The following CACNA1C variants were observed in gnomAD, a reference collection of about 807,000 sequenced individuals.
The protein encoded by CACNA1C is calcium voltage-gated channel subunit alpha1 C, also known as voltage-dependent L-type calcium channel subunit alpha-1C.
In CACNA1C, 30 loss-of-function variants were observed where a neutral mutation model predicts 229.0. That is an observed-to-expected ratio of 0.13 (90% CI 0.10 to 0.18). The LOEUF (loss-of-function observed/expected upper bound fraction) is 0.18, where lower values mean the gene tolerates loss of function less well. CACNA1C is among the 10% of genes least tolerant of loss of function. The pLI is 1.00. For missense variants in CACNA1C, 1,658 were observed against 2,845.0 expected (o/e 0.58, Z 9.49); for synonymous variants, 1,114 against 1,132.5 (o/e 0.98, Z 0.33).
At chr12:2,507,932 G>C (rs1378894986) in intron 8 of CACNA1C, among the ~76,000 whole-genome samples, 9 of 152,232 alleles carry the variant, frequency 5.9e-5, no homozygotes, top group Non-Finnish European at 7.3e-5. Flanking sequence ...AAGAGCAGAA[G>C]CTGCAGTAGG....
At position 2,666,433 on chromosome 12, in the gene CACNA1C, A is replaced by G. The variant is rs1291869035; in HGVS notation, c.4527-253A>G. Among the ~76,000 whole-genome samples the G allele has an allele frequency of 1.3e-5, 2 of 152,230 alleles. No homozygotes were observed. The highest frequency in any genetic ancestry group is 4.8e-5 in the African/African-American group (2 of 41,458). ...ATATTGAGAATTTTGTTGCACTGCT[A>G]AAATCCCTTCCACCTTGAACATAGC... On this transcript the variant is annotated intron_variant, in intron 36 of 46. Coordinates refer to ENST00000399655, the MANE Select transcript of CACNA1C (RefSeq NM_000719.7). This position sits in a 1 kb window ranked among gnomAD's most constrained non-coding sequence, Gnocchi z 5.3.
intron 39 of CACNA1C, chr12:2,676,469 C>T (rs1329038179): frequency 6.6e-6 from 1 of 152,308 alleles, no homozygotes; most frequent in Non-Finnish European, 1.5e-5. Flanking sequence ...GCTTCTCCAC[C>T]ATCAGGTTTA....
intron 5 of CACNA1C, among the ~76,000 whole-genome samples, chr12:2,482,403 T>C (rs1332970189): frequency 6.6e-6 from 1 of 152,244 alleles, no homozygotes; most frequent in Non-Finnish European, 1.5e-5. Flanking sequence ...CACCTGGCAC[T>C]GAGCCCTGTG....
rs535935521 is a variant in CACNA1C at position 2,417,448 on chromosome 12, C to G, written c.478-31528C>G. Among the ~76,000 whole-genome samples, 4 of 152,262 alleles carry G rather than the reference C, an allele frequency of 2.6e-5. No homozygotes were observed. In the East Asian group the frequency reaches 7.7e-4, roughly 29 times the overall value. On this transcript the variant is annotated intron_variant, in intron 3 of 46. Transcript: ENST00000399655. The stretch of plus-strand genomic sequence containing the variant: ...GCTAATGCCTGGGGCCCTTCCCTGG[C>G]CGCTGTTTACCTTGTCTCTGGGGAT...
intron 3 of CACNA1C, among the ~76,000 whole-genome samples, chr12:2,247,650 T>C (rs1213082881): frequency 6.6e-6 from 1 of 152,220 alleles, no homozygotes; most frequent in Non-Finnish European, 1.5e-5. Context: ...CTATGGACGA[T>C]GGCAAGATTT....
intron 31 of CACNA1C, among the ~76,000 whole-genome samples, chr12:2,648,825 G>A (rs1016977365): frequency 2.0e-5 from 3 of 152,138 alleles, no homozygotes; most frequent in African/African-American, 4.8e-5. Flanking sequence ...GGACTCCACC[G>A]GCCAAAGCCT....
At chr12:2,269,510 G>T (rs927451088) in intron 3 of CACNA1C, among the ~76,000 whole-genome samples, 4 of 152,158 alleles carry the variant, frequency 2.6e-5, no homozygotes, top group Non-Finnish European at 5.9e-5. Flanking sequence ...TCTTTGTGGA[G>T]AATTTGAAAA....
In CACNA1C at chr12:2,666,264, C is replaced by T. The variant is rs2096090622; in HGVS notation, c.4527-422C>T. Among the ~76,000 whole-genome samples, 2 of 152,142 alleles carry T rather than the reference C, an allele frequency of 1.3e-5. No individual in the cohort carries two copies. The highest frequency in any genetic ancestry group is 4.8e-5 in the African/African-American group (2 of 41,440). On this transcript the variant is annotated intron_variant, in intron 36 of 46. Coordinates refer to ENST00000399655, the MANE Select transcript of CACNA1C (RefSeq NM_000719.7). The surrounding 1 kb of genome is among the most constrained non-coding windows in gnomAD (Gnocchi z 5.3). ...TAGGAAATTCTAGTATCAGGAATAA[C>T]TAGTAAGTGCTCAAGTTAGGATAGG... is the stretch of plus-strand genomic sequence containing the variant.
Position 2,488,729 on chromosome 12 carries a change from A to C in CACNA1C, c.916+2467A>C, listed in dbSNP as rs761099333. Reference sequence around the variant, plus strand: ...AGAGAGAAGGGCCCTGCCAGGCTCCATGAGAAGGTGGCCTCACTCATTCGC... The same window carrying C: ...AGAGAGAAGGGCCCTGCCAGGCTCCCTGAGAAGGTGGCCTCACTCATTCGC... On this transcript the variant is annotated intron_variant, in intron 6 of 46. Transcript: ENST00000399655. This position sits in a 1 kb window ranked among gnomAD's most constrained non-coding sequence, Gnocchi z 4.0. Among the ~76,000 whole-genome samples the C allele has an allele frequency of 6.6e-6, 1 of 152,246 alleles. No individual in the cohort carries two copies. The highest frequency in any genetic ancestry group is 1.9e-4 in the East Asian group (1 of 5,202).
chr12:2,427,116 A>G (rs779183507), intron 3 of CACNA1C, among the ~76,000 whole-genome samples: 3 of 152,178 alleles, frequency 2.0e-5, no homozygotes, highest in Non-Finnish European at 2.9e-5. Context: ...GGAAGGACAT[A>G]GAAAGGATGT....
chr12:2,128,049 C>T (rs976194536), intron 3 of CACNA1C, among the ~76,000 whole-genome samples: 2 of 152,172 alleles, frequency 1.3e-5, no homozygotes, highest in East Asian at 1.9e-4. Flanking sequence ...AACTGGCACA[C>T]GTAAGGCTCT....
intron 3 of CACNA1C, among the ~76,000 whole-genome samples, chr12:2,437,538 G>C (rs192416504): frequency 4.2e-4 from 64 of 152,342 alleles, no homozygotes; most frequent in Non-Finnish European, 3.4e-4. Context: ...CTCTATATTG[G>C]AGATAGTTTT....
intron 3 of CACNA1C, among the ~76,000 whole-genome samples, chr12:2,333,386 C>A (rs1017198178): frequency 2.0e-5 from 3 of 152,148 alleles, no homozygotes; most frequent in Non-Finnish European, 4.4e-5. Context: ...GGGCGCTGGC[C>A]CCCACGCTGC....
chr12:2,060,374 C>T (rs12303720), intron 1 of CACNA1C, among the ~76,000 whole-genome samples: 5,704 of 152,236 alleles, frequency 0.037, 179 homozygotes, highest in African/African-American at 0.078. Context: ...CGACCAAGGG[C>T]GTCTTTCTGC....
chr12:1,970,952 A>C, exon 1 of CACNA1C: 1 of 522,992 alleles, frequency 1.9e-6, no homozygotes. Flanking sequence ...GTGGCACTGA[A>C]ATGTTACTGC....
intron 3 of CACNA1C, among the ~76,000 whole-genome samples, chr12:2,242,311 C>T (rs1428572857): frequency 1.3e-5 from 2 of 152,196 alleles, no homozygotes; most frequent in African/African-American, 4.8e-5. Flanking sequence ...CATTGCTACA[C>T]AGAGACAGCA....
chr12:2,015,023 T>C (rs1328467367), intron 1 of CACNA1C, among the ~76,000 whole-genome samples: 1 of 152,202 alleles, frequency 6.6e-6, no homozygotes, highest in Non-Finnish European at 1.5e-5. Flanking sequence ...TGCTCAGCTT[T>C]CTCCTGTTCT....
upstream of CACNA1C, among the ~76,000 whole-genome samples, chr12:2,050,443 T>G (rs1276769768): frequency 1.3e-5 from 2 of 152,214 alleles, no homozygotes; most frequent in African/African-American, 2.4e-5. Flanking sequence ...TCACAGTACC[T>G]GGCACAGAGC....
chr12:2,055,601 C>G (rs566242800), intron 1 of CACNA1C, among the ~76,000 whole-genome samples: 2 of 152,268 alleles, frequency 1.3e-5, no homozygotes, highest in African/African-American at 4.8e-5. Flanking sequence ...AGTGCCAACC[C>G]CAGAGAGGTT....
Sources: allele counts gnomAD v4.1 joint callset (sites outside exome capture counted in the v4.1 genomes callset), GRCh38; gene constraint gnomAD v4.1.1; non-coding constraint Gnocchi (gnomAD v3.1); transcripts MANE v1.5; gene names NCBI Gene and HGNC (gene_info 2026-07-23, HGNC 2026-07-21).